The following SYNE2 variants were observed in gnomAD, a reference collection of about 807,000 sequenced individuals.
SYNE2 encodes spectrin repeat containing nuclear envelope protein 2.
In SYNE2, 431 loss-of-function variants were observed where a neutral mutation model predicts 856.3. The observed-to-expected ratio is 0.50, with a 90% CI of 0.47 to 0.55. SYNE2 has a LOEUF of 0.55. SYNE2 is among the 20% of genes least tolerant of loss of function. The probability of loss-of-function intolerance (pLI) is 0.00; values close to 1 mark genes in which losing one functional copy is unlikely to be tolerated. For synonymous variants in SYNE2, 2,923 were observed against 2,872.3 expected (o/e 1.02, Z -0.56); for missense variants, 8,129 against 8,023.2 (o/e 1.01, Z -0.50).
chr14:64,035,335 T>G (rs925180466), intron 45 of SYNE2, among the ~76,000 whole-genome samples: 1 of 151,986 alleles, frequency 6.6e-6, no homozygotes, highest in Non-Finnish European at 1.5e-5. Flanking sequence ...TCTGGTGTTG[T>G]TTATCCTGTT....
chr14:64,221,388 T>C, intron 111 of SYNE2, 188 bp from the exon 112 acceptor site: 1 of 1,037,744 alleles, frequency 9.6e-7, no homozygotes, highest in Non-Finnish European at 1.4e-6. Context: ...CTGTGCTGAG[T>C]GTCTTCCTTC....
intron 1 of SYNE2, among the ~76,000 whole-genome samples, chr14:63,847,747 G>C (rs925215893): frequency 6.6e-6 from 1 of 151,492 alleles, no homozygotes; most frequent in African/African-American, 2.4e-5. Context: ...CACCACACCT[G>C]GCTAATTTTT....
chr14:64,134,004 T>G (rs896831673), intron 77 of SYNE2, 65 bp from the exon 78 acceptor site: 1 of 1,583,998 alleles, frequency 6.3e-7, no homozygotes, highest in African/African-American at 1.3e-5. Flanking sequence ...TGTGATTAAT[T>G]ATGTTGTTAT....
chr14:63,940,023 C>A (rs1043972850), intron 2 of SYNE2, among the ~76,000 whole-genome samples: 1 of 150,956 alleles, frequency 6.6e-6, no homozygotes, highest in South Asian at 2.1e-4. Flanking sequence ...TGTTGCTGCT[C>A]ACAGTTCTTT....
At position 64,176,479 on chromosome 14, in the gene SYNE2, G is replaced by T. The variant is rs114643583; in HGVS notation, c.17431-879G>T. 2.5e-3 allele frequency among the ~76,000 whole-genome samples: 374 copies of T among 152,312 alleles called. 1 individual carries two copies. The highest frequency in any genetic ancestry group is 8.6e-3 in the African/African-American group (359 of 41,570). Reference sequence around the variant, plus strand: ...AACAGGAAAGTGCTTTAAGCAGAAGGTGGTAGTCAGCACAGTGGTGAGAAG... The same window carrying T: ...AACAGGAAAGTGCTTTAAGCAGAAGTTGGTAGTCAGCACAGTGGTGAGAAG... On this transcript the variant is annotated intron_variant, in intron 95 of 115. Transcript: ENST00000555002.
rs749105503 is a variant in SYNE2 at position 64,142,030 on chromosome 14, AC to A, written c.15249del (p.Ser5084ProfsTer31). 1 of 1,614,040 alleles carries A rather than the reference AC, an allele frequency of 6.2e-7. No homozygotes were observed. The stretch of plus-strand genomic sequence containing the variant: ...GTGGAGCATCAAACTTCAGATGAAG[AC>A]TCCGTGCATTCACCAAGTTCTGCAT... ...NNVEHQTSDE[D>X]SVHSPSSASQ... On this transcript the variant is annotated frameshift_variant, in exon 82 of 116. Coordinates refer to ENST00000555002, the MANE Select transcript of SYNE2 (RefSeq NM_182914.3). LOFTEE classifies it high-confidence loss of function.
At chr14:64,095,298 A>T (rs2097667218) in intron 61 of SYNE2, among the ~76,000 whole-genome samples, 1 of 152,228 alleles carries the variant, frequency 6.6e-6, no homozygotes, top group Non-Finnish European at 1.5e-5. Context: ...CTAAAACCCA[A>T]CAAGTGCAAA....
At chr14:64,218,169 C>T (rs1195512746) in intron 108 of SYNE2, 3 of 499,778 alleles carry the variant, frequency 6.0e-6, no homozygotes, top group African/African-American at 1.9e-5. Context: ...ACTGACATCT[C>T]ATCTGCTTCC....
intron 1 of SYNE2, among the ~76,000 whole-genome samples, chr14:63,779,390 G>A (rs904303659): frequency 6.9e-6 from 1 of 145,154 alleles, no homozygotes; most frequent in Admixed American, 7.1e-5. Flanking sequence ...ACTTTAAGAA[G>A]CTAGAAAAAT....
chr14:64,180,607 G>A (rs971586919), intron 96 of SYNE2, among the ~76,000 whole-genome samples: 1 of 151,964 alleles, frequency 6.6e-6, no homozygotes, highest in Non-Finnish European at 1.5e-5. Context: ...GGGTTCAAGG[G>A]ATTCCCCTGC....
chr14:63,983,981 C>T (rs373132067), intron 18 of SYNE2, 95 bp downstream of exon 18: 4 of 895,104 alleles, frequency 4.5e-6, no homozygotes, highest in Admixed American at 2.4e-5. Context: ...GTGGCTCATG[C>T]CTGTAATCCC....
At chr14:63,855,322 T>C (rs192214806) in intron 1 of SYNE2, among the ~76,000 whole-genome samples, 46 of 152,302 alleles carry the variant, frequency 3.0e-4, no homozygotes, top group African/African-American at 1.0e-3. Flanking sequence ...CATTCTTCTG[T>C]TCAAAACCCT....
intron 35 of SYNE2, 81 bp from the exon 36 acceptor site, chr14:64,021,234 A>G (rs764548629): frequency 1.8e-6 from 2 of 1,086,244 alleles, no homozygotes; most frequent in Non-Finnish European, 2.8e-6. Flanking sequence ...AGTAATCTCA[A>G]CCCATTCTCT....
intron 35 of SYNE2, among the ~76,000 whole-genome samples, chr14:64,020,989 A>G (rs1023791680): frequency 1.3e-5 from 2 of 152,108 alleles, no homozygotes; most frequent in Admixed American, 6.6e-5. Flanking sequence ...ATTTTTTTCC[A>G]TATATTTTTC....
intron 1 of SYNE2, among the ~76,000 whole-genome samples, chr14:63,867,507 G>T (rs1404808788): frequency 6.6e-6 from 1 of 151,574 alleles, no homozygotes; most frequent in East Asian, 1.9e-4. Context: ...ACACCAGCCC[G>T]GCCAACAAGG....
chr14:63,874,059 T>G (rs2094655192), intron 1 of SYNE2: 1 of 152,198 alleles, frequency 6.6e-6, no homozygotes, highest in African/African-American at 2.4e-5. Context: ...AAAAACCATT[T>G]GTTAGCTTGG....
intron 27 of SYNE2, 102 bp from the exon 28 acceptor site, chr14:64,000,460 G>A: frequency 9.4e-7 from 1 of 1,062,596 alleles, no homozygotes; most frequent in Non-Finnish European, 1.5e-6. Context: ...ATGAAACATT[G>A]TGTTTGCTTC....
intron 99 of SYNE2, among the ~76,000 whole-genome samples, chr14:64,191,570 G>A (rs553138423): frequency 4.9e-4 from 75 of 152,318 alleles, no homozygotes; most frequent in Non-Finnish European, 1.0e-3. Context: ...CTGGCCCCAA[G>A]CATAGGAGAT....
chr14:63,835,545 A>C (rs146324560), intron 1 of SYNE2, among the ~76,000 whole-genome samples: 1 of 146,288 alleles, frequency 6.8e-6, no homozygotes, highest in Admixed American at 7.1e-5. Flanking sequence ...ACGTATGTAC[A>C]TATCTTAATG....
Sources: gnomAD v4.1 joint callset for allele counts (sites outside exome capture counted in the v4.1 genomes callset) on GRCh38, gnomAD v4.1.1 for gene constraint, MANE v1.5 for transcripts, NCBI Gene and HGNC (gene_info 2026-07-23, HGNC 2026-07-21) for gene names.